The following FFAR4 variants were observed in gnomAD, a reference collection of about 807,000 sequenced individuals.
The protein encoded by FFAR4 is free fatty acid receptor 4, also known as G-protein coupled receptor 120.
Under a neutral mutation model 27.0 loss-of-function variants are expected in FFAR4, and 19 were observed. The observed-to-expected ratio is 0.70, with a 90% CI of 0.49 to 1.03. FFAR4 has a LOEUF of 1.03. FFAR4 is among the 50% of genes least tolerant of loss of function. The pLI is 0.00. For missense variants in FFAR4, 476 were observed against 479.0 expected, an observed-to-expected ratio of 0.99 and a Z score of 0.06; for synonymous variants, 254 against 215.6, an observed-to-expected ratio of 1.18 and a Z score of -1.56.
chr10:93,574,787 G>A (rs941111667), intron 1 of FFAR4, among the ~76,000 whole-genome samples: 2 of 152,054 alleles, frequency 1.3e-5, no homozygotes, highest in Non-Finnish European at 2.9e-5. Context: ...CCAGCTACTC[G>A]GGAGGCTGAG....
intron 2 of FFAR4, among the ~76,000 whole-genome samples, chr10:93,580,101 T>A (rs1362745285): frequency 6.6e-6 from 1 of 152,180 alleles, no homozygotes; most frequent in Non-Finnish European, 1.5e-5. Context: ...GCAGACAAGC[T>A]ATACCAGGTG....
chr10:93,571,273 A>G (rs2058130262), intron 1 of FFAR4, among the ~76,000 whole-genome samples: 1 of 152,152 alleles, frequency 6.6e-6, no homozygotes, highest in Admixed American at 6.6e-5. Context: ...CCTGGCCAGA[A>G]TGTGCTGCCC....
chr10:93,578,387 AG>A (rs1363880580), intron 2 of FFAR4, among the ~76,000 whole-genome samples: 7 of 141,012 alleles, frequency 5.0e-5, no homozygotes, highest in Admixed American at 1.5e-4. Context: ...ACTGCACTCC[AG>A]CCTGGGCAAC....
intron 1 of FFAR4, among the ~76,000 whole-genome samples, chr10:93,568,700 G>A (rs1281253151): frequency 6.6e-6 from 1 of 152,162 alleles, no homozygotes; most frequent in Non-Finnish European, 1.5e-5. Flanking sequence ...CCCTTTTATT[G>A]GGGGTAGGAT....
At position 93,566,977 on chromosome 10, in the gene FFAR4, T is replaced by C. The variant is rs2134535475; in HGVS notation, c.257T>C (p.Leu86Pro). The stretch of plus-strand genomic sequence containing the variant: ...GTACTCAACCTCTTCTGCGCGGACC[T>C]GCTCTTCATCAGCGCTATCCCTCTG... ...CLVLNLFCAD[L>P]LFISAIPLVL... Residue 86 changes from leucine to proline, a missense_variant, in exon 1 of 3, where the codon CTG becomes CCG. Physicochemically the swap from Leu to Pro is moderately conservative, Grantham distance 98 (BLOSUM62 -3). Transcript: ENST00000371481. The C allele has an allele frequency of 6.2e-7, 1 of 1,611,890 alleles. No individual in the cohort carries two copies. Among genetic ancestry groups the C allele is most frequent in the East Asian group, 2.2e-5 (1 of 44,854 alleles).
intron 2 of FFAR4, among the ~76,000 whole-genome samples, chr10:93,584,999 C>A (rs1022268094): frequency 6.6e-6 from 1 of 152,214 alleles, no homozygotes; most frequent in African/African-American, 2.4e-5. Flanking sequence ...TGAGCCACTG[C>A]GCCCAGCCTA....
chr10:93,576,327 C>A, intron 2 of FFAR4, 108 bp downstream of exon 2: 1 of 1,139,140 alleles, frequency 8.8e-7, no homozygotes, highest in Non-Finnish European at 1.3e-6. Context: ...CACGCCAGCT[C>A]AATCTTGATT....
chr10:93,572,380 T>C (rs1217975081), intron 1 of FFAR4, among the ~76,000 whole-genome samples: 1 of 151,896 alleles, frequency 6.6e-6, no homozygotes, highest in East Asian at 1.9e-4. Context: ...GAGCAGTGAG[T>C]GCTGTTCTGA....
chr10:93,575,673 T>C (rs2058159594), intron 1 of FFAR4, among the ~76,000 whole-genome samples: 1 of 152,214 alleles, frequency 6.6e-6, no homozygotes, highest in South Asian at 2.1e-4. Flanking sequence ...TGTTTTGATA[T>C]GTTTGTTATG....
intron 2 of FFAR4, 47 bp downstream of exon 2, chr10:93,576,266 G>T (rs2058163500): frequency 3.1e-6 from 5 of 1,606,982 alleles, no homozygotes; most frequent in Non-Finnish European, 4.3e-6. Context: ...CAGGCTTGGG[G>T]TTATTTCTGC....
intron 1 of FFAR4, among the ~76,000 whole-genome samples, chr10:93,570,246 G>GA (rs1554885033): frequency 6.7e-6 from 1 of 149,792 alleles, no homozygotes. Flanking sequence ...CCAACAAACA[G>GA]AAAAAACCCA....
intron 2 of FFAR4, among the ~76,000 whole-genome samples, chr10:93,577,071 C>T (rs2058168318): frequency 6.6e-6 from 1 of 152,124 alleles, no homozygotes; most frequent in Non-Finnish European, 1.5e-5. Context: ...ATGATCTCTA[C>T]CTTTAAAACA....
intron 2 of FFAR4, among the ~76,000 whole-genome samples, chr10:93,586,692 G>A (rs2058229173): frequency 6.6e-6 from 1 of 152,146 alleles, no homozygotes; most frequent in African/African-American, 2.4e-5. Context: ...CGTGGTGTGG[G>A]CCCATCTGTG....
intron 1 of FFAR4, among the ~76,000 whole-genome samples, chr10:93,575,817 C>G (rs2058160279): frequency 6.6e-6 from 1 of 152,200 alleles, no homozygotes; most frequent in Non-Finnish European, 1.5e-5. Flanking sequence ...CACCTAGGAA[C>G]CGACTCTAGC....
chr10:93,586,700 G>A (rs113973664), intron 2 of FFAR4, among the ~76,000 whole-genome samples: 6 of 152,272 alleles, frequency 3.9e-5, no homozygotes, highest in African/African-American at 1.4e-4. Flanking sequence ...GGGCCCATCT[G>A]TGTACCAGGT....
At chr10:93,571,337 A>G (rs1427271513) in intron 1 of FFAR4, among the ~76,000 whole-genome samples, 2 of 152,192 alleles carry the variant, frequency 1.3e-5, no homozygotes, top group Non-Finnish European at 2.9e-5. Context: ...CCTGCCACAA[A>G]TCACGTAAAT....
chr10:93,577,468 A>G (rs566278491), intron 2 of FFAR4, among the ~76,000 whole-genome samples: 25 of 152,222 alleles, frequency 1.6e-4, no homozygotes, highest in South Asian at 1.5e-3. Context: ...TGGCCCCTCC[A>G]TGTCACTCAT....
In FFAR4 at chr10:93,585,614, C is replaced by T. The variant is rs117353323; in HGVS notation, c.697-1606C>T. ...GAGGAGGACAGAGAAGGAGGATGGG[C>T]TGCCCTGGCAGTGGTCTGGTCTCCC... On this transcript the variant is annotated intron_variant, in intron 2 of 2. Transcript: ENST00000371481. Among the ~76,000 whole-genome samples the T allele has an allele frequency of 5.2e-3, 787 of 152,350 alleles. 3 individuals carry two copies. Among genetic ancestry groups the T allele is most frequent in the Non-Finnish European group, 8.5e-3 (579 of 68,032 alleles).
At chr10:93,584,144 C>T (rs559288504) in intron 2 of FFAR4, among the ~76,000 whole-genome samples, 7 of 152,342 alleles carry the variant, frequency 4.6e-5, no homozygotes, top group South Asian at 2.1e-4. Flanking sequence ...CAGGTTTCAC[C>T]GGAACACAAG....
Sources: allele counts gnomAD v4.1 joint callset (sites outside exome capture counted in the v4.1 genomes callset), GRCh38; gene constraint gnomAD v4.1.1; transcripts MANE v1.5; gene names NCBI Gene and HGNC (gene_info 2026-07-23, HGNC 2026-07-21).